Variants in RPS6KA5 observed in about 807,000 individuals in gnomAD.
The protein encoded by RPS6KA5 is ribosomal protein S6 kinase A5, also known as ribosomal protein S6 kinase alpha-5.
In RPS6KA5, 27 loss-of-function variants were observed where a neutral mutation model predicts 85.5. The observed-to-expected ratio is 0.32, with a 90% CI of 0.23 to 0.44. The LOEUF (loss-of-function observed/expected upper bound fraction) is 0.44, where lower values mean the gene tolerates loss of function less well. RPS6KA5 is among the 20% of genes least tolerant of loss of function. The pLI is 1.00. For synonymous variants in RPS6KA5, 334 were observed against 348.2 expected (o/e 0.96, Z 0.46); for missense variants, 811 against 980.9 (o/e 0.83, Z 2.31).
rs983163318 is a variant in RPS6KA5, at chr14:91,056,807, C to T, written c.103+3525G>A. ...TATTTGAAAGCTAAAAGTCCTAACC[C>T]ATTCTTTGCTAACTTTATACTTGAA... On this transcript the variant is annotated intron_variant, in intron 1 of 16. Coordinates refer to ENST00000614987, the MANE Select transcript of RPS6KA5 (RefSeq NM_004755.4). 1.4e-5 allele frequency among the ~76,000 whole-genome samples: 2 copies of T among 142,860 alleles called. 1 individual carries two copies. Among genetic ancestry groups the T allele is most frequent in the Non-Finnish European group, 3.0e-5 (2 of 67,606 alleles). 93.7% of individuals were successfully genotyped at this position (142,860 alleles called of 152,430 possible). A position where few individuals can be genotyped will look rare whatever the true frequency, so the allele number is the denominator to read the frequency against.
rs1439627178 is a variant in RPS6KA5 at position 90,864,623 on chromosome 14, T to TA, written c.*7450dup. ...CAAACTAAAGAGAAGACATTTATGG[T>TA]AAAATATCAGACAAAAACCCTCATA... On this transcript the variant is annotated 3_prime_UTR_variant, in exon 17 of 17. Coordinates refer to ENST00000614987, the MANE Select transcript of RPS6KA5 (RefSeq NM_004755.4). 7 of 152,214 alleles carry TA rather than the reference T, an allele frequency of 4.6e-5. No homozygotes were observed. The South Asian group carries it at 1.4e-3, about 32-fold the overall frequency. The allele number at this position is 152,214 out of a possible 1,614,324, so 9.4% of individuals were successfully genotyped here. A position where few individuals can be genotyped will look rare whatever the true frequency, so the allele number is the denominator to read the frequency against.
At chr14:90,913,689 T>A (rs2035956502) in intron 7 of RPS6KA5, among the ~76,000 whole-genome samples, 1 of 152,210 alleles carries the variant, frequency 6.6e-6, no homozygotes, top group African/African-American at 2.4e-5. Flanking sequence ...GCCCACACAA[T>A]GCTGTTAAAC....
At chr14:91,049,298 C>T (rs1262975189) in intron 1 of RPS6KA5, among the ~76,000 whole-genome samples, 1 of 152,122 alleles carries the variant, frequency 6.6e-6, no homozygotes, top group Non-Finnish European at 1.5e-5. Flanking sequence ...CTACTCTTCT[C>T]AAAGTGAGGA....
Position 90,870,237 on chromosome 14 carries a change from T to C in RPS6KA5, c.*1837A>G, listed in dbSNP as rs2033011901. 1 of 152,198 alleles carries C rather than the reference T, an allele frequency of 6.6e-6. No individual in the cohort carries two copies. Among genetic ancestry groups the C allele is most frequent in the Non-Finnish European group, 1.5e-5 (1 of 68,034 alleles). The allele number at this position is 152,198 out of a possible 1,614,324, so 9.4% of individuals were successfully genotyped here. ...ATAATTATAAATATGGTCATTTTCT[T>C]GATTACTAGAGATCTGTGCCTGATG... On this transcript the variant is annotated 3_prime_UTR_variant, in exon 17 of 17. Transcript: ENST00000614987.
At chr14:90,947,618 AT>A in intron 3 of RPS6KA5, 68 bp from the exon 4 acceptor site, 1 of 898,082 alleles carries the variant, frequency 1.1e-6, no homozygotes, top group East Asian at 2.5e-5. Context: ...TTTCCTTTTA[AT>A]CACTTTGGAT....
intron 2 of RPS6KA5, among the ~76,000 whole-genome samples, chr14:90,983,145 C>T (rs1007740124): frequency 2.0e-5 from 3 of 149,726 alleles, no homozygotes; most frequent in African/African-American, 7.4e-5. Flanking sequence ...GGCGTGGTGG[C>T]GGGTGCCTGG....
intron 1 of RPS6KA5, among the ~76,000 whole-genome samples, chr14:91,013,459 A>G (rs1055812134): frequency 6.6e-6 from 1 of 152,130 alleles, no homozygotes; most frequent in African/African-American, 2.4e-5. Context: ...AAGGAACAGC[A>G]GGGTAAAAAA....
intron 1 of RPS6KA5, among the ~76,000 whole-genome samples, chr14:91,014,919 T>C (rs1447135701): frequency 1.3e-5 from 2 of 152,226 alleles, no homozygotes; most frequent in Non-Finnish European, 2.9e-5. Flanking sequence ...GAAGTATCTA[T>C]GGGATTTCCA....
intron 1 of RPS6KA5, among the ~76,000 whole-genome samples, chr14:91,023,353 A>C (rs1206980815): frequency 1.3e-5 from 2 of 150,778 alleles, no homozygotes; most frequent in Non-Finnish European, 3.0e-5. Flanking sequence ...CAATGGTGTG[A>C]TCTCCTCACT....
chr14:91,055,780 AAAC>A (rs779272840), intron 1 of RPS6KA5, among the ~76,000 whole-genome samples: 3 of 152,178 alleles, frequency 2.0e-5, no homozygotes, highest in African/African-American at 7.2e-5. Context: ...CAAAAAAACA[AAAC>A]AACAACAAAA....
chr14:90,979,395 T>C (rs181767346), intron 2 of RPS6KA5, among the ~76,000 whole-genome samples: 2 of 152,384 alleles, frequency 1.3e-5, no homozygotes, highest in Admixed American at 1.3e-4. Context: ...GTCAATCCTC[T>C]ACAGTTAATC....
At chr14:91,027,804 C>T (rs1176013515) in intron 1 of RPS6KA5, among the ~76,000 whole-genome samples, 1 of 152,170 alleles carries the variant, frequency 6.6e-6, no homozygotes, top group Non-Finnish European at 1.5e-5. Context: ...CAGTTAAATA[C>T]ACCAGCCCTG....
At chr14:90,888,134 T>G (rs2034341594) in intron 14 of RPS6KA5, among the ~76,000 whole-genome samples, 2 of 152,124 alleles carry the variant, frequency 1.3e-5, no homozygotes, top group Admixed American at 6.5e-5. Flanking sequence ...AGACTGGATA[T>G]TGTGATTATC....
intron 1 of RPS6KA5, among the ~76,000 whole-genome samples, chr14:91,031,682 A>C (rs1433138558): frequency 6.6e-6 from 1 of 152,182 alleles, no homozygotes; most frequent in Non-Finnish European, 1.5e-5. Flanking sequence ...GACTGGGGTA[A>C]TTTAACTCCA....
At chr14:90,973,131 A>G (rs975480301) in intron 3 of RPS6KA5, among the ~76,000 whole-genome samples, 9 of 152,214 alleles carry the variant, frequency 5.9e-5, no homozygotes, top group African/African-American at 2.2e-4. Flanking sequence ...ATGGAAGTGT[A>G]TTTGGCAAAA....
At chr14:90,893,735 T>C (rs2140204928) in intron 13 of RPS6KA5, among the ~76,000 whole-genome samples, 1 of 152,170 alleles carries the variant, frequency 6.6e-6, no homozygotes, top group African/African-American at 2.4e-5. Flanking sequence ...TGATTTTCGT[T>C]TTTCAATTTT....
chr14:91,059,008 G>A (rs1017438985), intron 1 of RPS6KA5, among the ~76,000 whole-genome samples: 2 of 152,166 alleles, frequency 1.3e-5, no homozygotes, highest in African/African-American at 2.4e-5. Context: ...GAATCCTGCC[G>A]TTTAAGCTTT....
chr14:91,044,644 C>T lies in RPS6KA5; in HGVS notation c.103+15688G>A, dbSNP rs568880306. Among the ~76,000 whole-genome samples the T allele has an allele frequency of 2.3e-3, 352 of 152,046 alleles. 4 individuals are homozygous for T. The highest frequency in any genetic ancestry group is 3.6e-3 in the Non-Finnish European group (248 of 67,974). On this transcript the variant is annotated intron_variant, in intron 1 of 16. Transcript: ENST00000614987. ...ATTCCAGCACTTTTGGAGGCCGAGGCGGGTGAATCACGAGGTCAGCAGTTC... is the reference window on the plus strand; with the variant it reads ...ATTCCAGCACTTTTGGAGGCCGAGGTGGGTGAATCACGAGGTCAGCAGTTC...
intron 1 of RPS6KA5, among the ~76,000 whole-genome samples, chr14:91,017,846 A>G (rs573310324): frequency 6.6e-6 from 1 of 152,346 alleles, no homozygotes; most frequent in South Asian, 2.1e-4. Flanking sequence ...CTGGAAGTTA[A>G]GACTGCCACA....
Sources: gnomAD v4.1 joint callset for allele counts (sites outside exome capture counted in the v4.1 genomes callset) on GRCh38, gnomAD v4.1.1 for gene constraint, MANE v1.5 for transcripts, NCBI Gene and HGNC (gene_info 2026-07-23, HGNC 2026-07-21) for gene names.